PAXBP1: variants seen among roughly 807,000 people sequenced by gnomAD.
PAXBP1 encodes the protein PAX3 and PAX7 binding protein 1.
Under a neutral mutation model 119.9 loss-of-function variants are expected in PAXBP1, and 44 were observed. That is an observed-to-expected ratio of 0.37 (90% CI 0.29 to 0.47). The LOEUF (loss-of-function observed/expected upper bound fraction) is 0.47. Ranked by LOEUF, PAXBP1 falls within the 20% of genes least tolerant of loss-of-function variation. The pLI is 0.99. For synonymous variants in PAXBP1, 393 were observed against 406.6 expected (o/e 0.97, Z 0.40); for missense variants, 898 against 1,134.1 (o/e 0.79, Z 2.99).
Position 32,737,242 on chromosome 21 carries a change from T to G in PAXBP1, c.2636+12A>C, listed in dbSNP as rs770804239. 20 of 1,504,934 alleles carry G rather than the reference T, an allele frequency of 1.3e-5. 1 individual carries two copies. In the South Asian group the frequency reaches 2.6e-4, roughly 20 times the overall value. The allele number at this position is 1,504,934 out of a possible 1,614,324, so 93.2% of individuals were successfully genotyped here. On this transcript the variant is annotated intron_variant, in intron 17 of 17. Coordinates refer to ENST00000331923, the MANE Select transcript of PAXBP1 (RefSeq NM_016631.4). ...CAACTCTAGATTACCATTTCATTAA[T>G]TACAAAATTACCTTGCATTTCTTTT... is the stretch of plus-strand genomic sequence containing the variant.
intron 5 of PAXBP1, among the ~76,000 whole-genome samples, 157 bp downstream of exon 5, chr21:32,760,902 C>CGTGCGTGCGTGT (rs1491165069): frequency 3.9e-3 from 495 of 127,776 alleles, no homozygotes; most frequent in Admixed American, 7.2e-3. Context: ...TGCGTGCGTG[C>CGTGCGTGCGTGT]GTGTGTGTGT....
intron 7 of PAXBP1, chr21:32,756,254 C>T: frequency 1.9e-6 from 1 of 533,460 alleles, no homozygotes; most frequent in Non-Finnish European, 3.8e-6. Flanking sequence ...ACTACACATA[C>T]CTGAGGAAAC....
At chr21:32,743,893 A>G (rs533206839) in intron 13 of PAXBP1, 139 bp from the exon 14 acceptor site, 2 of 566,726 alleles carry the variant, frequency 3.5e-6, no homozygotes, top group East Asian at 3.0e-5. Context: ...TGAAGACCCT[A>G]AAGTAATTAA....
intron 7 of PAXBP1, chr21:32,756,627 G>T: frequency 1.5e-5 from 4 of 260,308 alleles, no homozygotes; most frequent in Admixed American, 5.4e-5. Flanking sequence ...AGCAATTACT[G>T]CCACAACATT....
chr21:32,759,949 T>C lies in PAXBP1; in HGVS notation c.1021A>G (p.Thr341Ala). ...PAEVNMYYQNTYQTMPYGSSY... is the reference protein window; with the variant it reads ...PAEVNMYYQNAYQTMPYGSSY... ...GAGCCGTAAGGCATTGTCTGGTAAG[T>C]GTTCTGGTAGTACATATTCACTTCT... Residue 341 changes from threonine (T) to alanine (A), a missense_variant, in exon 6 of 18, where the codon ACT becomes GCT. Thr to Ala is a moderately conservative substitution (Grantham distance 58). This residue lies in a region of PAXBP1 where 599 missense variants were observed against 852.7 expected (regional missense o/e 0.70). Coordinates refer to ENST00000331923, the MANE Select transcript of PAXBP1 (RefSeq NM_016631.4). 2 of 1,614,142 alleles carry C rather than the reference T, an allele frequency of 1.2e-6. No homozygotes were observed. The highest frequency in any genetic ancestry group is 1.7e-6 in the Non-Finnish European group (2 of 1,179,968).
At chr21:32,762,355 T>G in intron 3 of PAXBP1, 38 bp from the exon 4 acceptor site, 1 of 1,572,812 alleles carries the variant, frequency 6.4e-7, no homozygotes. Context: ...GTATGAGAGA[T>G]GCAAAGTTTC....
Position 32,743,774 on chromosome 21 carries a change from T to C in PAXBP1, c.2191-20A>G, listed in dbSNP as rs771470726. 1.5e-6 allele frequency: 2 copies of C among 1,340,206 alleles called. No homozygotes were observed. Among genetic ancestry groups the C allele is most frequent in the Admixed American group, 2.0e-5 (1 of 51,034 alleles). 83.0% of individuals were successfully genotyped at this position (1,340,206 alleles called of 1,614,324 possible). A position where few individuals can be genotyped will look rare whatever the true frequency, so the allele number is the denominator to read the frequency against. Reference sequence around the variant, plus strand: ...GTATACCTAAAAAGTTAAAAGTAGATCACACATTTTAATAAGGACTATGAC... The same window carrying C: ...GTATACCTAAAAAGTTAAAAGTAGACCACACATTTTAATAAGGACTATGAC... On this transcript the variant is annotated intron_variant, in intron 13 of 17. Coordinates refer to ENST00000331923, the MANE Select transcript of PAXBP1 (RefSeq NM_016631.4).
intron 16 of PAXBP1, 133 bp downstream of exon 16, chr21:32,738,040 A>G: frequency 1.1e-6 from 1 of 886,170 alleles, no homozygotes; most frequent in Non-Finnish European, 1.6e-6. Context: ...TGGGTAGGCA[A>G]ACTGTCAACC....
At chr21:32,752,963 T>A (rs1027484588) in intron 8 of PAXBP1, among the ~76,000 whole-genome samples, 1 of 152,028 alleles carries the variant, frequency 6.6e-6, no homozygotes, top group East Asian at 1.9e-4. Flanking sequence ...GAGTTTTTCA[T>A]TCATATTTCA....
intron 8 of PAXBP1, among the ~76,000 whole-genome samples, chr21:32,752,878 T>C (rs1429180127): frequency 6.6e-6 from 1 of 152,064 alleles, no homozygotes; most frequent in Admixed American, 6.5e-5. Flanking sequence ...CCTCTCAAAG[T>C]GCTGGGATTA....
intron 5 of PAXBP1, 50 bp from the exon 6 acceptor site, chr21:32,760,044 A>T (rs752833447): frequency 6.9e-7 from 1 of 1,439,556 alleles, no homozygotes; most frequent in East Asian, 2.3e-5. Flanking sequence ...AAACTTTGAA[A>T]ATAATAATAT....
chr21:32,734,927 A>AT lies in PAXBP1; in HGVS notation c.*22dup, dbSNP rs750885622. On this transcript the variant is annotated 3_prime_UTR_variant, in exon 18 of 18. Coordinates refer to ENST00000331923, the MANE Select transcript of PAXBP1 (RefSeq NM_016631.4). ...CACATTGGGAATGGTAATCAAGCAAATAGGTTTTTCAGTCTCATAGATCTA... is the reference window on the plus strand; with the variant it reads ...CACATTGGGAATGGTAATCAAGCAAATTAGGTTTTTCAGTCTCATAGATCTA... 3 of 1,560,018 alleles carry AT rather than the reference A, an allele frequency of 1.9e-6. No homozygotes were observed. The East Asian group carries it at 6.7e-5, about 35-fold the overall frequency.
intron 5 of PAXBP1, 27 bp from the exon 6 acceptor site, chr21:32,760,021 A>T (rs1228954039): frequency 6.4e-7 from 1 of 1,552,644 alleles, no homozygotes; most frequent in Non-Finnish European, 8.8e-7. Context: ...ATATAGATGA[A>T]ATCTGGTAGT....
Position 32,761,061 on chromosome 21 carries a change from G to T in PAXBP1, c.973C>A (p.Gln325Lys). The part of the protein sequence containing the change: ...EQIRKGINIP[Q>K]VQASQPAEVN... ...TTAGTTTAATTCTTTTGTCGTACCT[G>T]AGGGATATTAATTCCTTTCCTTATC... The change falls in exon 5 of 18, where the codon CAG (glutamine) becomes AAG (lysine). Residue 325 changes from glutamine to lysine, a missense_variant and splice_region_variant. By Grantham distance (53) the Gln-to-Lys change is moderately conservative. Transcript: ENST00000331923. 1 of 1,608,436 alleles carries T rather than the reference G, an allele frequency of 6.2e-7. No individual in the cohort carries two copies.
chr21:32,758,821 T>C (rs1222848011), intron 7 of PAXBP1, among the ~76,000 whole-genome samples: 1 of 152,160 alleles, frequency 6.6e-6, no homozygotes, highest in Non-Finnish European at 1.5e-5. Flanking sequence ...TACCACCATA[T>C]TGAAATAAGA....
chr21:32,760,902 C>CGTGTGTGTGTGTGTGTGTGTGTGT (rs1175775718), intron 5 of PAXBP1, among the ~76,000 whole-genome samples, 157 bp downstream of exon 5: 1 of 127,714 alleles, frequency 7.8e-6, no homozygotes, highest in African/African-American at 2.9e-5. Flanking sequence ...TGCGTGCGTG[C>CGTGTGTGTGTGTGTGTGTGTGTGT]GTGTGTGTGT....
rs1210743917 is a variant in PAXBP1 at position 32,744,923 on chromosome 21, A to G, written c.2069-10T>C. Reference sequence around the variant, plus strand: ...ATATTTTCAGCTATCACTATTAAGAAAAAAAGAGGATTGAGACACAGAAGC... The same window carrying G: ...ATATTTTCAGCTATCACTATTAAGAGAAAAAGAGGATTGAGACACAGAAGC... On this transcript the variant is annotated splice_polypyrimidine_tract_variant and intron_variant, in intron 12 of 17. Transcript: ENST00000331923. The G allele has an allele frequency of 6.3e-7, 1 of 1,595,754 alleles. No homozygotes were observed. Among genetic ancestry groups the G allele is most frequent in the Non-Finnish European group, 8.5e-7 (1 of 1,174,950 alleles).
At chr21:32,770,636 C>G (rs2044323506) in intron 1 of PAXBP1, among the ~76,000 whole-genome samples, 1 of 152,200 alleles carries the variant, frequency 6.6e-6, no homozygotes, top group Non-Finnish European at 1.5e-5. Flanking sequence ...AGATTTAAGG[C>G]TCATTTAAGA....
intron 16 of PAXBP1, 35 bp downstream of exon 16, chr21:32,738,138 T>C (rs768481696): frequency 2.2e-5 from 32 of 1,487,238 alleles, no homozygotes; most frequent in Non-Finnish European, 2.7e-5. Flanking sequence ...TTTTAAATTA[T>C]ATGCTTTAAA....
Sources: gnomAD v4.1 joint callset for allele counts (sites outside exome capture counted in the v4.1 genomes callset) on GRCh38, gnomAD v4.1.1 for gene constraint, gnomAD v4.1.1 regional missense constraint, MANE v1.5 for transcripts, NCBI Gene and HGNC (gene_info 2026-07-23, HGNC 2026-07-21) for gene names.